The following SGCZ variants were observed in gnomAD, a reference collection of about 807,000 sequenced individuals.
SGCZ encodes zeta-sarcoglycan.
A neutral mutation model predicts 41.3 loss-of-function variants in SGCZ; 40 were observed. The observed-to-expected ratio is 0.97, with a 90% CI of 0.75 to 1.26. The LOEUF (loss-of-function observed/expected upper bound fraction) is 1.26, where lower values mean the gene tolerates loss of function less well. SGCZ is among the 50% of genes most tolerant of loss of function. SGCZ has a pLI of 0.00. For missense variants in SGCZ, 552 were observed against 369.8 expected, an observed-to-expected ratio of 1.49 and a Z score of -4.04; for synonymous variants, 206 against 137.5, an observed-to-expected ratio of 1.50 and a Z score of -3.49.
At chr8:14,818,626 T>A (rs1801976524) in intron 1 of SGCZ, among the ~76,000 whole-genome samples, 1 of 152,026 alleles carries the variant, frequency 6.6e-6, no homozygotes, top group Non-Finnish European at 1.5e-5. Flanking sequence ...GAATTCAAAC[T>A]GATAATCTTA....
chr8:15,170,161 T>C (rs1035027069), intron 1 of SGCZ, among the ~76,000 whole-genome samples: 3 of 152,164 alleles, frequency 2.0e-5, no homozygotes, highest in African/African-American at 7.2e-5. Flanking sequence ...AGTTATTTTG[T>C]CATAAATAAT....
chr8:14,660,238 A>T (rs1807703849), intron 1 of SGCZ, among the ~76,000 whole-genome samples: 1 of 152,160 alleles, frequency 6.6e-6, no homozygotes, highest in African/African-American at 2.4e-5. Flanking sequence ...TCGGTGTATG[A>T]AGAAAATAAA....
rs189881366 is a variant in SGCZ, at chr8:14,657,912, A to G, written c.40-102986T>C. On this transcript the variant is annotated intron_variant, in intron 1 of 7. Coordinates refer to ENST00000382080, the MANE Select transcript of SGCZ (RefSeq NM_139167.4). ...ATAAGAATCAGGCTTTGGATTTCAAATGTAGAATTATTTACTCCTTACCTT... is the reference window on the plus strand; with the variant it reads ...ATAAGAATCAGGCTTTGGATTTCAAGTGTAGAATTATTTACTCCTTACCTT... Among the ~76,000 whole-genome samples, 244 of 152,306 alleles carry G rather than the reference A, an allele frequency of 1.6e-3. 1 individual carries two copies. The highest frequency in any genetic ancestry group is 2.3e-3 in the Non-Finnish European group (159 of 68,010).
At chr8:14,692,790 T>C (rs1012827620) in intron 1 of SGCZ, among the ~76,000 whole-genome samples, 4 of 152,194 alleles carry the variant, frequency 2.6e-5, no homozygotes, top group African/African-American at 7.2e-5. Flanking sequence ...TTAGTAATAA[T>C]GGCAAATATT....
chr8:15,065,462 T>C (rs1805101097), intron 1 of SGCZ, among the ~76,000 whole-genome samples: 1 of 149,544 alleles, frequency 6.7e-6, no homozygotes, highest in African/African-American at 2.5e-5. Context: ...ATTATTATTT[T>C]GAGTCAAGGT....
chr8:14,729,165 T>C (rs1810152105), intron 1 of SGCZ, among the ~76,000 whole-genome samples: 1 of 152,162 alleles, frequency 6.6e-6, no homozygotes. Context: ...CCCACACCAC[T>C]AAAGTCACAC....
At chr8:15,018,236 C>T (rs1376483907) in intron 1 of SGCZ, among the ~76,000 whole-genome samples, 2 of 152,134 alleles carry the variant, frequency 1.3e-5, no homozygotes, top group African/African-American at 2.4e-5. Context: ...TAAACTTTCA[C>T]GATAGGACAG....
chr8:14,405,225 A>G (rs2117258120), intron 2 of SGCZ, among the ~76,000 whole-genome samples: 1 of 152,336 alleles, frequency 6.6e-6, no homozygotes, highest in African/African-American at 2.4e-5. Context: ...TATATGACAT[A>G]GATTCATTTT....
chr8:14,185,403 A>AAAAT (rs1394328276), intron 4 of SGCZ, among the ~76,000 whole-genome samples: 4 of 152,112 alleles, frequency 2.6e-5, no homozygotes, highest in East Asian at 1.9e-4. Context: ...ACTGTCTCTC[A>AAAAT]AAATAAATAA....
chr8:15,120,022 CTA>C (rs774123920), intron 1 of SGCZ, among the ~76,000 whole-genome samples: 16 of 152,104 alleles, frequency 1.1e-4, no homozygotes, highest in Admixed American at 2.6e-4. Flanking sequence ...TAGAGTCTTG[CTA>C]TGTTTTCCAG....
chr8:14,927,057 T>C (rs934951275), intron 1 of SGCZ, among the ~76,000 whole-genome samples: 1 of 151,368 alleles, frequency 6.6e-6, no homozygotes, highest in Non-Finnish European at 1.5e-5. Context: ...TTATAGAAAA[T>C]TTAAATTTAA....
intron 5 of SGCZ, among the ~76,000 whole-genome samples, chr8:14,161,894 C>T (rs1036681701): frequency 3.9e-5 from 6 of 152,040 alleles, no homozygotes; most frequent in African/African-American, 1.4e-4. Context: ...ATCACACACA[C>T]ATAGACACAT....
intron 1 of SGCZ, among the ~76,000 whole-genome samples, chr8:14,604,424 T>C (rs1164027741): frequency 6.8e-6 from 1 of 147,374 alleles, no homozygotes; most frequent in Non-Finnish European, 1.5e-5. Flanking sequence ...AGCCATGATT[T>C]TTTTTTTATC....
chr8:14,912,571 T>C (rs1799307922), intron 1 of SGCZ, among the ~76,000 whole-genome samples: 1 of 152,054 alleles, frequency 6.6e-6, no homozygotes, highest in Non-Finnish European at 1.5e-5. Flanking sequence ...TGTTTCCAAG[T>C]TGTCATGGTT....
intron 4 of SGCZ, among the ~76,000 whole-genome samples, chr8:14,220,319 T>C (rs1227922864): frequency 1.3e-5 from 2 of 152,140 alleles, no homozygotes; most frequent in African/African-American, 4.8e-5. Context: ...AGAGACATAA[T>C]ATTACGAGAA....
Position 14,802,602 on chromosome 8 carries a change from C to CAG in SGCZ, c.40-247678_40-247677dup, listed in dbSNP as rs886268748. On this transcript the variant is annotated intron_variant, in intron 1 of 7. Transcript: ENST00000382080. ...TCTGCATTTTACACACATACAAACACAGAGAGAGAGAGACAGAGAGAGAAA... is the reference window on the plus strand; with the variant it reads ...TCTGCATTTTACACACATACAAACACAGAGAGAGAGAGAGACAGAGAGAGAAA... Among the ~76,000 whole-genome samples the CAG allele has an allele frequency of 1.3e-4, 20 of 151,750 alleles. No individual in the cohort carries two copies. In the East Asian group the frequency reaches 2.1e-3, roughly 16 times the overall value.
chr8:15,001,068 C>T (rs977584647), intron 1 of SGCZ, among the ~76,000 whole-genome samples: 3 of 152,190 alleles, frequency 2.0e-5, no homozygotes, highest in African/African-American at 2.4e-5. Flanking sequence ...AGTGACACTG[C>T]TGGGGCAGCT....
At chr8:14,105,634 T>A (rs1802180722) in intron 6 of SGCZ, among the ~76,000 whole-genome samples, 1 of 152,134 alleles carries the variant, frequency 6.6e-6, no homozygotes, top group African/African-American at 2.4e-5. Context: ...GGAAATTTAG[T>A]AACACTTATC....
At position 15,078,252 on chromosome 8, in the gene SGCZ, A is replaced by C. The variant is rs186417227; in HGVS notation, c.39+159333T>G. On this transcript the variant is annotated intron_variant, in intron 1 of 7. Coordinates refer to ENST00000382080, the MANE Select transcript of SGCZ (RefSeq NM_139167.4). ...TTTCCTGGTCATGAGACAAGAACCCAGATTTCAGCGAACTAAGCAGCAAAA... is the reference window on the plus strand; with the variant it reads ...TTTCCTGGTCATGAGACAAGAACCCCGATTTCAGCGAACTAAGCAGCAAAA... 2.8e-3 allele frequency among the ~76,000 whole-genome samples: 390 copies of C among 141,770 alleles called. 2 individuals are homozygous for C. The highest frequency in any genetic ancestry group is 4.5e-3 in the Non-Finnish European group (301 of 66,768). The allele number at this position is 141,770 out of a possible 152,430, so 93.0% of individuals were successfully genotyped here.
Sources: gnomAD v4.1 joint callset for allele counts (sites outside exome capture counted in the v4.1 genomes callset) on GRCh38, gnomAD v4.1.1 for gene constraint, MANE v1.5 for transcripts, NCBI Gene and HGNC (gene_info 2026-07-23, HGNC 2026-07-21) for gene names.